CACHD1: variants seen among roughly 807,000 people sequenced by gnomAD.
CACHD1 encodes the protein cache domain containing 1.
Under a neutral mutation model 138.7 loss-of-function variants are expected in CACHD1, and 71 were observed. The ratio of observed to expected loss-of-function variants is 0.51; its 90% confidence interval spans 0.42 to 0.62. CACHD1 has a LOEUF of 0.62. Ranked by LOEUF, CACHD1 falls within the 20% of genes least tolerant of loss-of-function variation. The pLI, the probability that CACHD1 is intolerant of heterozygous loss-of-function variation, is 0.00. For synonymous variants in CACHD1, 578 were observed against 591.5 expected, an observed-to-expected ratio of 0.98 and a Z score of 0.33; for missense variants, 1,389 against 1,625.3, an observed-to-expected ratio of 0.85 and a Z score of 2.50.
intron 8 of CACHD1, among the ~76,000 whole-genome samples, chr1:64,643,640 T>A (rs1648804949): frequency 6.6e-6 from 1 of 152,068 alleles, no homozygotes; most frequent in South Asian, 2.1e-4. Context: ...ATCAAGACCA[T>A]CCTGGCTAAC....
intron 3 of CACHD1, among the ~76,000 whole-genome samples, chr1:64,583,071 A>G (rs1463708691): frequency 6.6e-6 from 1 of 152,238 alleles, no homozygotes; most frequent in African/African-American, 2.4e-5. Context: ...AATGTAAATT[A>G]GTATTTATTA....
intron 2 of CACHD1, among the ~76,000 whole-genome samples, chr1:64,566,260 C>G (rs1165997028): frequency 1.3e-5 from 2 of 152,150 alleles, no homozygotes; most frequent in East Asian, 3.8e-4. Context: ...GATGTGCCCC[C>G]AGCACTATTA....
At chr1:64,666,467 G>C (rs1409049258) in intron 16 of CACHD1, among the ~76,000 whole-genome samples, 1 of 152,178 alleles carries the variant, frequency 6.6e-6, no homozygotes, top group Admixed American at 6.5e-5. Context: ...AAAGATGTTG[G>C]AGTCTAAAGA....
At chr1:64,574,954 T>G (rs539549634) in intron 2 of CACHD1, among the ~76,000 whole-genome samples, 1 of 152,224 alleles carries the variant, frequency 6.6e-6, no homozygotes, top group African/African-American at 2.4e-5. Flanking sequence ...ATTAACCATA[T>G]GGATGAGTTA....
chr1:64,642,107 A>C (rs1455945718), intron 8 of CACHD1, 138 bp downstream of exon 8: 2 of 639,822 alleles, frequency 3.1e-6, no homozygotes, highest in African/African-American at 3.8e-5. Context: ...CTCTTTCTCT[A>C]CCTGATGTTG....
intron 26 of CACHD1, among the ~76,000 whole-genome samples, chr1:64,684,468 A>G (rs1022466663): frequency 1.3e-5 from 2 of 151,212 alleles, no homozygotes; most frequent in African/African-American, 4.9e-5. Flanking sequence ...AGCTTATAGA[A>G]TAAGGATATA....
chr1:64,645,738 G>A lies in CACHD1; in HGVS notation c.1157-2063G>A, dbSNP rs569801794. Among the ~76,000 whole-genome samples the A allele has an allele frequency of 1.4e-4, 22 of 152,250 alleles. No homozygotes were observed. In the South Asian group the frequency reaches 3.9e-3, roughly 27 times the overall value. The stretch of plus-strand genomic sequence containing the variant: ...CCAGCCCCCGTGCATGCTCAGTGAA[G>A]CATCTGGAACATGGCTGGGGTTGCT... On this transcript the variant is annotated intron_variant, in intron 8 of 26. Transcript: ENST00000651257.
chr1:64,535,369 G>A (rs1226567631), intron 1 of CACHD1, among the ~76,000 whole-genome samples: 5 of 147,618 alleles, frequency 3.4e-5, no homozygotes, highest in South Asian at 2.1e-4. Context: ...CTTGTTGCCC[G>A]GGCTGGAGTG....
rs765213692 is a variant in CACHD1 at position 64,582,207 on chromosome 1, C to A, written c.313C>A (p.Arg105=). 6.2e-7 allele frequency: 1 copy of A among 1,613,980 alleles called. No homozygotes were observed. ...CAACCGTTACTTGGATGTGGTCAATCGGAACAAGCAAGTTGTAGAAGCATC... is the reference window on the plus strand; with the variant it reads ...CAACCGTTACTTGGATGTGGTCAATAGGAACAAGCAAGTTGTAGAAGCATC... ...KFNRYLDVVN[R]NKQVVEASYT... Residue 105 remains arginine, a synonymous_variant, in exon 3 of 27, where the codon CGG becomes AGG. Coordinates refer to ENST00000651257, the MANE Select transcript of CACHD1 (RefSeq NM_020925.4).
At chr1:64,549,120 T>C (rs1353506011) in intron 1 of CACHD1, among the ~76,000 whole-genome samples, 1 of 152,188 alleles carries the variant, frequency 6.6e-6, no homozygotes, top group African/African-American at 2.4e-5. Flanking sequence ...TGAGGCACAA[T>C]ATCTGGATTG....
chr1:64,678,242 C>T lies in CACHD1; in HGVS notation c.3176C>T (p.Pro1059Leu). 3 of 1,611,296 alleles carry T rather than the reference C, an allele frequency of 1.9e-6. No homozygotes were observed. Among genetic ancestry groups the T allele is most frequent in the Non-Finnish European group, 2.5e-6 (3 of 1,178,884 alleles). Reference protein sequence around the residue: ...KTHLDKPYCAPQKECFGGIVG... With the variant: ...KTHLDKPYCALQKECFGGIVG... ...CACCTGGACAAACCCTACTGTGCCC[C>T]CCAGAAAGAATGCTTCGGGGGGATT... Residue 1059 changes from proline to leucine, a missense_variant, in exon 23 of 27, where the codon CCC becomes CTC. Coordinates refer to ENST00000651257, the MANE Select transcript of CACHD1 (RefSeq NM_020925.4).
At chr1:64,687,757 G>A (rs1650413878) in intron 26 of CACHD1, among the ~76,000 whole-genome samples, 1 of 152,156 alleles carries the variant, frequency 6.6e-6, no homozygotes, top group Admixed American at 6.5e-5. Flanking sequence ...ATTCACTGAT[G>A]CTGTTGCTTT....
intron 7 of CACHD1, among the ~76,000 whole-genome samples, chr1:64,636,421 G>A (rs1039214514): frequency 2.6e-5 from 4 of 152,194 alleles, no homozygotes. Flanking sequence ...AGGAGTCCAA[G>A]TACAGCTTAG....
Position 64,678,177 on chromosome 1 carries a change from G to A in CACHD1, c.3111G>A (p.Leu1037=). ...CTGGCAGGGACTGTTTTGGGGTGCT[G>A]GATTGTGAATGGTGCATGGTGGACA... ...RLESGDCFGV[L]DCEWCMVDSD... Residue 1037 remains leucine, a synonymous_variant, in exon 23 of 27, where the codon CTG becomes CTA. Coordinates refer to ENST00000651257, the MANE Select transcript of CACHD1 (RefSeq NM_020925.4). 1 of 1,611,776 alleles carries A rather than the reference G, an allele frequency of 6.2e-7. No homozygotes were observed. Among genetic ancestry groups the A allele is most frequent in the African/African-American group, 1.3e-5 (1 of 74,948 alleles).
intron 1 of CACHD1, among the ~76,000 whole-genome samples, chr1:64,495,488 C>T (rs1016547330): frequency 1.3e-5 from 2 of 152,110 alleles, no homozygotes; most frequent in Non-Finnish European, 2.9e-5. Flanking sequence ...ACTTGAAAAA[C>T]TAAGTTCTCC....
chr1:64,500,829 C>G (rs1646335544), intron 1 of CACHD1, among the ~76,000 whole-genome samples: 1 of 151,722 alleles, frequency 6.6e-6, no homozygotes, highest in Non-Finnish European at 1.5e-5. Context: ...GGGTGGATCA[C>G]CTGAGCTCAG....
chr1:64,530,212 C>T (rs1486310995), intron 1 of CACHD1, among the ~76,000 whole-genome samples: 1 of 152,204 alleles, frequency 6.6e-6, no homozygotes, highest in Non-Finnish European at 1.5e-5. Flanking sequence ...GATGCTTGAA[C>T]AGTTTAGCAT....
intron 15 of CACHD1, among the ~76,000 whole-genome samples, chr1:64,665,594 C>T (rs1041259830): frequency 6.6e-6 from 1 of 152,182 alleles, no homozygotes; most frequent in Non-Finnish European, 1.5e-5. Context: ...GTTGATGCTA[C>T]AGTCAGATAC....
At chr1:64,659,827 A>C (rs1649385058) in intron 13 of CACHD1, among the ~76,000 whole-genome samples, 1 of 152,226 alleles carries the variant, frequency 6.6e-6, no homozygotes, top group Admixed American at 6.5e-5. Context: ...AACTGAGAAG[A>C]AGGGGAACAG....
Sources: gnomAD v4.1 joint callset for allele counts (sites outside exome capture counted in the v4.1 genomes callset) on GRCh38, gnomAD v4.1.1 for gene constraint, MANE v1.5 for transcripts, NCBI Gene and HGNC (gene_info 2026-07-23, HGNC 2026-07-21) for gene names.